The following NELFCD variants were observed in gnomAD, a reference collection of about 807,000 sequenced individuals.
NELFCD encodes the protein negative elongation factor C/D.
In NELFCD, 48 loss-of-function variants were observed where a neutral mutation model predicts 72.9. That is an observed-to-expected ratio of 0.66 (90% CI 0.52 to 0.84). NELFCD has a LOEUF of 0.84. NELFCD is among the 40% of genes least tolerant of loss of function. The pLI is 0.00. For synonymous variants in NELFCD, 297 were observed against 280.6 expected, an observed-to-expected ratio of 1.06 and a Z score of -0.59; for missense variants, 538 against 723.8, an observed-to-expected ratio of 0.74 and a Z score of 2.94.
intron 10 of NELFCD, 110 bp from the exon 11 acceptor site, chr20:58,992,888 G>T: frequency 1.3e-6 from 1 of 751,804 alleles, no homozygotes; most frequent in Non-Finnish European, 2.3e-6. Context: ...CGTATTGAAG[G>T]GTGAATGATG....
At position 58,993,302 on chromosome 20, in the gene NELFCD, T is replaced by C. The variant is rs772548407; in HGVS notation, c.1345-147T>C. On this transcript the variant is annotated intron_variant, in intron 11 of 14. Transcript: ENST00000652272. This position sits in a 1 kb window ranked among gnomAD's most constrained non-coding sequence, Gnocchi z 5.0. The stretch of plus-strand genomic sequence containing the variant: ...CAGAAATTTCTTAACCTCAGTCAAG[T>C]GTTACTGGAAGCTGATGGCCCTGGC... The C allele has an allele frequency of 1.8e-4, 155 of 843,530 alleles. No homozygotes were observed. The highest frequency in any genetic ancestry group is 2.5e-4 in the Non-Finnish European group (133 of 537,878). The allele number at this position is 843,530 out of a possible 1,614,324, so 52.3% of individuals were successfully genotyped here.
chr20:58,981,416 GC>G, intron 1 of NELFCD, 47 bp downstream of exon 1: 1 of 916,298 alleles, frequency 1.1e-6, no homozygotes, highest in South Asian at 5.0e-5. Context: ...GTTCGTCTCC[GC>G]CGCCGGCGGG....
At position 58,989,944 on chromosome 20, in the gene NELFCD, T is replaced by C; in HGVS notation, c.744T>C (p.Ala248=). The part of the protein sequence containing the change: ...VLAQEEQGGS[A]VRRIAQEVQR... ...CCCAGGAGGAGCAGGGGGGCTCCGCTGTGCGCAGGATCGCCCAGGAAGTGC... is the reference window on the plus strand; with the variant it reads ...CCCAGGAGGAGCAGGGGGGCTCCGCCGTGCGCAGGATCGCCCAGGAAGTGC... Residue 248 remains alanine (A), a synonymous_variant, in exon 7 of 15, where the codon GCT becomes GCC. Coordinates refer to ENST00000652272, the MANE Select transcript of NELFCD (RefSeq NM_198976.4). 6.2e-7 allele frequency: 1 copy of C among 1,614,032 alleles called. No homozygotes were observed. Among genetic ancestry groups the C allele is most frequent in the Non-Finnish European group, 8.5e-7 (1 of 1,180,044 alleles).
chr20:58,994,047 C>A, intron 13 of NELFCD, 63 bp from the exon 14 acceptor site: 1 of 1,583,166 alleles, frequency 6.3e-7, no homozygotes, highest in South Asian at 1.1e-5. Flanking sequence ...CCATTTCACC[C>A]GGATGTCGGT....
At chr20:58,983,501 G>A (rs1401251871) in intron 1 of NELFCD, among the ~76,000 whole-genome samples, 1 of 148,476 alleles carries the variant, frequency 6.7e-6, no homozygotes, top group East Asian at 2.0e-4. Context: ...GTGCAGTGGT[G>A]CCATCTTGGC....
rs762976586 is a variant in NELFCD, at chr20:58,981,280, G to C, written c.-30G>C. 3.7e-6 allele frequency: 4 copies of C among 1,068,960 alleles called. No individual in the cohort carries two copies. Among genetic ancestry groups the C allele is most frequent in the Admixed American group, 9.0e-5 (2 of 22,106 alleles). 66.2% of individuals were successfully genotyped at this position (1,068,960 alleles called of 1,614,324 possible). ...CATGCGCCGCGCTCGCTCGCGGGAG[G>C]GCATGGCGGGGGCCGTGCCGGGCGC... On this transcript the variant is annotated 5_prime_UTR_variant, in exon 1 of 15. Coordinates refer to ENST00000652272, the MANE Select transcript of NELFCD (RefSeq NM_198976.4).
intron 1 of NELFCD, among the ~76,000 whole-genome samples, chr20:58,982,114 G>T (rs1230738918): frequency 6.8e-6 from 1 of 146,452 alleles, no homozygotes; most frequent in Non-Finnish European, 1.5e-5. Flanking sequence ...CCAACAGTTG[G>T]TCTGGACGGG....
chr20:58,983,651 C>T (rs2091752800), intron 1 of NELFCD, among the ~76,000 whole-genome samples: 1 of 152,150 alleles, frequency 6.6e-6, no homozygotes, highest in Non-Finnish European at 1.5e-5. Context: ...GTCTCGAACT[C>T]CTGGCCTCAA....
At chr20:58,983,014 C>T (rs539310063) in intron 1 of NELFCD, among the ~76,000 whole-genome samples, 1 of 152,058 alleles carries the variant, frequency 6.6e-6, no homozygotes, top group Non-Finnish European at 1.5e-5. Context: ...AACCCACATC[C>T]TTTGCCTCCG....
intron 1 of NELFCD, among the ~76,000 whole-genome samples, chr20:58,984,460 A>G (rs2091758501): frequency 6.6e-6 from 1 of 152,220 alleles, no homozygotes; most frequent in African/African-American, 2.4e-5. Flanking sequence ...ATGTGGAAAG[A>G]AGGACCACCT....
intron 1 of NELFCD, among the ~76,000 whole-genome samples, chr20:58,981,612 G>A (rs1340746013): frequency 6.6e-6 from 1 of 150,738 alleles, no homozygotes; most frequent in Admixed American, 6.6e-5. Flanking sequence ...TGGGGTGGGG[G>A]TGAGGCGCCG....
chr20:58,986,760 T>C lies in NELFCD; in HGVS notation c.183T>C (p.Phe61=). The C allele has an allele frequency of 6.2e-7, 1 of 1,608,486 alleles. No homozygotes were observed. The highest frequency in any genetic ancestry group is 8.5e-7 in the Non-Finnish European group (1 of 1,174,788). Residue 61 remains phenylalanine (F), a synonymous_variant, in exon 3 of 15, where the codon TTT becomes TTC. Coordinates refer to ENST00000652272, the MANE Select transcript of NELFCD (RefSeq NM_198976.4). The surrounding 1 kb of genome is among the most constrained non-coding windows in gnomAD (Gnocchi z 4.4). ...CTGTTGTTACTTTCCCTAGGTATTT[T>C]CAGGCAGGAGGGTCTCCAGAGAATG... The part of the protein sequence containing the change: ...PSIFNTLKRY[F]QAGGSPENVI...
intron 1 of NELFCD, among the ~76,000 whole-genome samples, chr20:58,985,083 C>T (rs533383561): frequency 2.6e-5 from 4 of 152,318 alleles, no homozygotes; most frequent in African/African-American, 7.2e-5. Context: ...TTAGGTTGTG[C>T]CTGTCTCTGT....
rs1032517460 is a variant in NELFCD, at chr20:58,993,224, T to C, written c.1344+112T>C. On this transcript the variant is annotated intron_variant, in intron 11 of 14. Coordinates refer to ENST00000652272, the MANE Select transcript of NELFCD (RefSeq NM_198976.4). The surrounding 1 kb of genome is among the most constrained non-coding windows in gnomAD (Gnocchi z 5.0). ...GTTTAGAGGATACTCTTCTCAAAAA[T>C]AGTTATTTCTGTCCTGAGGATTTTC... 5.9e-5 allele frequency: 54 copies of C among 915,642 alleles called. No homozygotes were observed. Among genetic ancestry groups the C allele is most frequent in the Non-Finnish European group, 8.3e-5 (48 of 579,840 alleles). The allele number at this position is 915,642 out of a possible 1,614,324, so 56.7% of individuals were successfully genotyped here. A position where few individuals can be genotyped will look rare whatever the true frequency, so the allele number is the denominator to read the frequency against.
chr20:58,993,745 T>C lies in NELFCD; in HGVS notation c.1562T>C (p.Ile521Thr). 6.2e-7 allele frequency: 1 copy of C among 1,614,208 alleles called. No individual in the cohort carries two copies. Among genetic ancestry groups the C allele is most frequent in the Non-Finnish European group, 8.5e-7 (1 of 1,180,028 alleles). ...LEKLDTDISL[I>T]RYFVTEVLDV... The stretch of plus-strand genomic sequence containing the variant: ...AAGCTGGACACTGACATTTCACTCA[T>C]TCGCTATTTTGTCACTGAGGTCAGC... The change falls in exon 13 of 15, where the codon ATT becomes ACT. Residue 521 changes from isoleucine to threonine, a missense_variant. Ile to Thr is a moderately conservative substitution (Grantham distance 89). Around this residue, in one of 3 missense-constraint regions of NELFCD, gnomAD observed 136 missense variants for 154.0 expected, o/e 0.88. Transcript: ENST00000652272. This position sits in a 1 kb window ranked among gnomAD's most constrained non-coding sequence, Gnocchi z 5.0.
intron 6 of NELFCD, 42 bp downstream of exon 6, chr20:58,989,682 CTTTGGGT>C: frequency 6.2e-7 from 1 of 1,613,642 alleles, no homozygotes. Context: ...AAGGAGGCTG[CTTTGGGT>C]CTTGGTTTTC....
chr20:58,987,581 A>G lies in NELFCD; in HGVS notation c.287-127A>G, dbSNP rs143086961. Reference sequence around the variant, plus strand: ...ACTTTGAAGAGTTCCAAAACCTTACATGTATAAGTGGTCAGAAGCAATTCT... The same window carrying G: ...ACTTTGAAGAGTTCCAAAACCTTACGTGTATAAGTGGTCAGAAGCAATTCT... On this transcript the variant is annotated intron_variant, in intron 3 of 14. Transcript: ENST00000652272. The G allele has an allele frequency of 3.5e-5, 25 of 715,742 alleles. No individual in the cohort carries two copies. The African/African-American group carries it at 3.6e-4, about 10-fold the overall frequency. 44.3% of individuals were successfully genotyped at this position (715,742 alleles called of 1,614,324 possible). A position where few individuals can be genotyped will look rare whatever the true frequency, so the allele number is the denominator to read the frequency against.
Position 58,989,511 on chromosome 20 carries a change from G to C in NELFCD, c.528G>C (p.Gln176His). The C allele has an allele frequency of 1.2e-6, 2 of 1,614,162 alleles. No individual in the cohort carries two copies. Among genetic ancestry groups the C allele is most frequent in the Non-Finnish European group, 1.7e-6 (2 of 1,180,002 alleles). ...TVKLISDAGY[Q>H]GEITSVSTAC... is the part of the protein sequence containing the mutation. ...AGCTTATTTCTGACGCAGGGTACCA[G>C]GGGGAGATCACCAGTGTGTCCACAG... The change falls in exon 6 of 15, where the codon CAG (glutamine) becomes CAC (histidine). Residue 176 changes from glutamine to histidine, a missense_variant. By Grantham distance (24) the Gln-to-His change is conservative. Coordinates refer to ENST00000652272, the MANE Select transcript of NELFCD (RefSeq NM_198976.4).
chr20:58,994,155 CT>C lies in NELFCD; in HGVS notation c.1631del (p.Phe544SerfsTer23). On this transcript the variant is annotated frameshift_variant, in exon 14 of 15. Coordinates refer to ENST00000652272, the MANE Select transcript of NELFCD (RefSeq NM_198976.4). LOFTEE classifies it high-confidence loss of function. ...TCCTTATACCTCTGACTTCGTGCAA[CT>C]TTTCCTCCCCATCCTGGAGAATGAC... ...APPYTSDFVQLFLPILENDSI... is the reference protein window; with the variant it reads ...APPYTSDFVQXFLPILENDSI... The C allele has an allele frequency of 6.2e-7, 1 of 1,614,220 alleles. No individual in the cohort carries two copies. Among genetic ancestry groups the C allele is most frequent in the Non-Finnish European group, 8.5e-7 (1 of 1,180,012 alleles).
Sources: allele counts gnomAD v4.1 joint callset (sites outside exome capture counted in the v4.1 genomes callset), GRCh38; gene constraint gnomAD v4.1.1; regional missense constraint gnomAD v4.1.1; non-coding constraint Gnocchi (gnomAD v3.1); transcripts MANE v1.5; gene names NCBI Gene and HGNC (gene_info 2026-07-23, HGNC 2026-07-21).